STPG2: variants seen among roughly 807,000 people sequenced by gnomAD.
STPG2 encodes the protein sperm-tail PG-rich repeat-containing protein 2.
In STPG2, 56 loss-of-function variants were observed where a neutral mutation model predicts 54.2. That is an observed-to-expected ratio of 1.03 (90% CI 0.83 to 1.29). STPG2 has a LOEUF of 1.29. Among genes scored for constraint, STPG2 ranks in the 50% most tolerant of loss-of-function variants. The pLI, the probability that STPG2 is intolerant of heterozygous loss-of-function variation, is 0.00. For missense variants in STPG2, 596 were observed against 544.9 expected, an observed-to-expected ratio of 1.09 and a Z score of -0.93; for synonymous variants, 200 against 181.8, an observed-to-expected ratio of 1.10 and a Z score of -0.81.
intron 8 of STPG2, among the ~76,000 whole-genome samples, chr4:97,860,149 G>A (rs1398520240): frequency 6.6e-6 from 1 of 152,154 alleles, no homozygotes; most frequent in African/African-American, 2.4e-5. Context: ...ATAATTTAAA[G>A]TTCGGTAATG....
chr4:97,884,357 T>C (rs909102579), intron 8 of STPG2, among the ~76,000 whole-genome samples: 2 of 152,120 alleles, frequency 1.3e-5, no homozygotes, highest in African/African-American at 4.8e-5. Flanking sequence ...AAAATGGTAA[T>C]TAAGTTAAAA....
At chr4:98,008,702 A>G (rs977613090) in intron 5 of STPG2, among the ~76,000 whole-genome samples, 1 of 152,070 alleles carries the variant, frequency 6.6e-6, no homozygotes, top group Non-Finnish European at 1.5e-5. Flanking sequence ...CTAGGTAACA[A>G]CATTATGAGA....
chr4:97,917,722 G>A (rs1366041331), intron 8 of STPG2, among the ~76,000 whole-genome samples: 1 of 151,980 alleles, frequency 6.6e-6, no homozygotes, highest in African/African-American at 2.4e-5. Context: ...ATAAACTCTG[G>A]GGACAAAAGC....
intron 4 of STPG2, among the ~76,000 whole-genome samples, chr4:97,491,938 T>C (rs942700750): frequency 6.6e-6 from 1 of 151,450 alleles, no homozygotes; most frequent in African/African-American, 2.4e-5. Flanking sequence ...AAGGGGATAG[T>C]GAAGAGAATA....
intron 1 of STPG2, among the ~76,000 whole-genome samples, chr4:98,136,344 G>A (rs542001599): frequency 2.6e-5 from 4 of 151,686 alleles, no homozygotes; most frequent in Non-Finnish European, 5.9e-5. Flanking sequence ...GAAACTGCAT[G>A]TAATATACGT....
chr4:97,856,872 A>T (rs1729355886), intron 8 of STPG2, among the ~76,000 whole-genome samples: 3 of 151,962 alleles, frequency 2.0e-5, no homozygotes, highest in African/African-American at 7.2e-5. Flanking sequence ...ACATGAAGAG[A>T]TGTTGAGTTT....
intron 5 of STPG2, among the ~76,000 whole-genome samples, chr4:98,016,718 T>C (rs1723370139): frequency 6.6e-6 from 1 of 152,228 alleles, no homozygotes; most frequent in Admixed American, 6.5e-5. Context: ...ACTAAGCTTC[T>C]TTAACACAAT....
intron 5 of STPG2, among the ~76,000 whole-genome samples, chr4:97,988,100 C>T (rs1215229007): frequency 6.6e-6 from 1 of 151,824 alleles, no homozygotes; most frequent in African/African-American, 2.4e-5. Flanking sequence ...CTACTACCAT[C>T]TCCCCTCATT....
chr4:97,914,651 CA>C (rs920352588), intron 8 of STPG2, among the ~76,000 whole-genome samples: 9 of 152,102 alleles, frequency 5.9e-5, no homozygotes, highest in Non-Finnish European at 1.2e-4. Context: ...ATTCTTTATC[CA>C]AAATTCTTGA....
intron 8 of STPG2, among the ~76,000 whole-genome samples, chr4:97,899,172 C>T (rs756272654): frequency 6.6e-6 from 1 of 151,758 alleles, no homozygotes; most frequent in Non-Finnish European, 1.5e-5. Context: ...TACCTATACA[C>T]CAACAATAGG....
chr4:97,608,944 A>G (rs1466261473), intron 10 of STPG2, among the ~76,000 whole-genome samples: 1 of 152,080 alleles, frequency 6.6e-6, no homozygotes, highest in Non-Finnish European at 1.5e-5. Flanking sequence ...CTAGAATTAC[A>G]GCAAGGTATA....
At chr4:97,540,480 T>C (rs943789446) in intron 4 of STPG2, among the ~76,000 whole-genome samples, 6 of 152,118 alleles carry the variant, frequency 3.9e-5, no homozygotes, top group African/African-American at 1.4e-4. Context: ...GAGGTAATAA[T>C]TAATAGCTTA....
chr4:97,798,716 G>A (rs1286128704), intron 9 of STPG2, among the ~76,000 whole-genome samples: 1 of 112,180 alleles, frequency 8.9e-6, no homozygotes, highest in Non-Finnish European at 1.8e-5. Context: ...TTGCAGAGCT[G>A]AGTTCAATTC....
At chr4:97,652,489 C>A (rs1722099559) in intron 10 of STPG2, among the ~76,000 whole-genome samples, 1 of 151,694 alleles carries the variant, frequency 6.6e-6, no homozygotes, top group African/African-American at 2.4e-5. Flanking sequence ...CAATTTGATA[C>A]CCATAGATTA....
chr4:97,538,821 A>C (rs372583439), intron 4 of STPG2, among the ~76,000 whole-genome samples: 1 of 151,642 alleles, frequency 6.6e-6, no homozygotes, highest in Non-Finnish European at 1.5e-5. Context: ...AAAGGGAAGC[A>C]CATCAGACTA....
chr4:98,099,162 C>A (rs1008449033), intron 5 of STPG2, among the ~76,000 whole-genome samples: 7 of 152,144 alleles, frequency 4.6e-5, no homozygotes, highest in Non-Finnish European at 7.4e-5. Context: ...TATATGCACT[C>A]CCATGTTTAC....
chr4:98,026,337 G>A lies in STPG2; in HGVS notation c.613-45019C>T, dbSNP rs181466527. The A allele has an allele frequency of 3.6e-5, 19 of 526,886 alleles. No homozygotes were observed. The East Asian group carries it at 6.0e-4, about 17-fold the overall frequency. The allele number at this position is 526,886 out of a possible 1,614,324, so 32.6% of individuals were successfully genotyped here. ...GTATGGACAGAAAAAAAAATGGAGT[G>A]TACCGTGTTAGTTACCGATTTATTC... On this transcript the variant is annotated intron_variant, in intron 5 of 10. Transcript: ENST00000295268.
intron 9 of STPG2, among the ~76,000 whole-genome samples, chr4:97,810,742 G>A (rs1727710029): frequency 6.6e-6 from 1 of 152,024 alleles, no homozygotes; most frequent in South Asian, 2.1e-4. Flanking sequence ...CTGGGATAAA[G>A]GCCATAATTT....
chr4:97,467,575 A>G (rs1008530196), intron 4 of STPG2, among the ~76,000 whole-genome samples: 1 of 151,952 alleles, frequency 6.6e-6, no homozygotes, highest in African/African-American at 2.4e-5. Flanking sequence ...CATTAATAAT[A>G]AAGTGATTCA....
Sources: gnomAD v4.1 joint callset for allele counts (sites outside exome capture counted in the v4.1 genomes callset) on GRCh38, gnomAD v4.1.1 for gene constraint, MANE v1.5 for transcripts, NCBI Gene and HGNC (gene_info 2026-07-23, HGNC 2026-07-21) for gene names.